MAGT1: variants seen among roughly 807,000 people sequenced by gnomAD.
MAGT1 encodes dolichyl-diphosphooligosaccharide--protein glycosyltransferase subunit MAGT1.
MAGT1 carries 4 observed loss-of-function variants against 28.4 expected under a neutral mutation model. The ratio of observed to expected loss-of-function variants is 0.14; its 90% confidence interval spans 0.07 to 0.32. The LOEUF (loss-of-function observed/expected upper bound fraction) is 0.32, where lower values mean the gene tolerates loss of function less well. Among genes scored for constraint, MAGT1 ranks in the 10% least tolerant of loss-of-function variants. The pLI is 1.00. For missense variants in MAGT1, 193 were observed against 264.5 expected (o/e 0.73, Z 1.88); for synonymous variants, 89 against 89.7 (o/e 0.99, Z 0.04).
intron 7 of MAGT1, among the ~76,000 whole-genome samples, chrX:77,846,605 G>A (rs782819749): frequency 2.6e-4 from 29 of 111,952 alleles, no homozygotes; most frequent in Non-Finnish European, 4.3e-4. Flanking sequence ...ATACAGATGA[G>A]GTTTTGGTAT....
intron 3 of MAGT1, among the ~76,000 whole-genome samples, chrX:77,862,068 C>G (rs992893026): frequency 1.8e-5 from 2 of 110,729 alleles, no homozygotes; most frequent in Non-Finnish European, 3.8e-5. Flanking sequence ...ACAAAACAAC[C>G]CCACCAAAAC....
chrX:77,868,916 A>G (rs1185423649), intron 3 of MAGT1, among the ~76,000 whole-genome samples: 1 of 112,477 alleles, frequency 8.9e-6, no homozygotes, highest in Non-Finnish European at 1.9e-5. Context: ...AAACAACAAA[A>G]GATCTACTTT....
chrX:77,841,150 C>A (rs1557214362), intron 8 of MAGT1, 96 bp downstream of exon 8: 4 of 634,862 alleles, frequency 6.3e-6, no homozygotes, highest in African/African-American at 4.5e-5. Flanking sequence ...GGTAAAATAA[C>A]CTACTTATCC....
intron 6 of MAGT1, 52 bp downstream of exon 6, chrX:77,855,449 T>C: frequency 3.4e-6 from 3 of 885,934 alleles, no homozygotes. Flanking sequence ...AGGGTAATAA[T>C]CATTGAGTTA....
chrX:77,864,732 T>G (rs2077004067), intron 3 of MAGT1, among the ~76,000 whole-genome samples: 2 of 110,410 alleles, frequency 1.8e-5, no homozygotes, highest in Admixed American at 2.0e-4. Flanking sequence ...TGAGACAAAG[T>G]CTAGCTCTGT....
chrX:77,851,174 T>C (rs1283320593), intron 7 of MAGT1, among the ~76,000 whole-genome samples: 1 of 109,913 alleles, frequency 9.1e-6, no homozygotes, highest in African/African-American at 3.3e-5. Context: ...TTTCGCTATG[T>C]TGGCCAGGCT....
intron 1 of MAGT1, 72 bp downstream of exon 1, chrX:77,895,237 G>A: frequency 9.1e-7 from 1 of 1,099,504 alleles, no homozygotes; most frequent in Non-Finnish European, 1.3e-6. Context: ...AGGGGGCTGG[G>A]AAGAGGCGAA....
chrX:77,875,618 A>G, intron 1 of MAGT1, 21 bp from the exon 2 acceptor site: 1 of 1,194,362 alleles, frequency 8.4e-7, no homozygotes, highest in Non-Finnish European at 1.1e-6. Context: ...CAAAGTGAGC[A>G]TGCTATTAAT....
chrX:77,835,049 G>A (rs1043864063), intron 8 of MAGT1, among the ~76,000 whole-genome samples: 25 of 105,326 alleles, frequency 2.4e-4, no homozygotes, highest in Non-Finnish European at 2.9e-4. Flanking sequence ...TCCACCTCCC[G>A]GGTTCACGCC....
intron 3 of MAGT1, among the ~76,000 whole-genome samples, chrX:77,859,003 T>C (rs1259676966): frequency 9.1e-6 from 1 of 109,402 alleles, no homozygotes; most frequent in Non-Finnish European, 1.9e-5. Flanking sequence ...AGGTCAGGAG[T>C]TCAAGACCAG....
intron 1 of MAGT1, among the ~76,000 whole-genome samples, chrX:77,893,354 A>G (rs141355456): frequency 1.4e-4 from 16 of 111,938 alleles, no homozygotes; most frequent in African/African-American, 4.9e-4. Flanking sequence ...ACATGCATGA[A>G]AAGGGTGAAT....
chrX:77,875,863 G>A (rs971701333), intron 1 of MAGT1, among the ~76,000 whole-genome samples: 22 of 109,672 alleles, frequency 2.0e-4, no homozygotes, highest in Admixed American at 1.6e-3. Flanking sequence ...ACACTGTCTC[G>A]CTCTGTCATC....
At position 77,857,517 on chromosome X, in the gene MAGT1, G is replaced by A; in HGVS notation, c.391-20C>T. On this transcript the variant is annotated intron_variant, in intron 3 of 9. Coordinates refer to ENST00000618282, the MANE Select transcript of MAGT1 (RefSeq NM_001367916.1). ...GTTTAGCTGAATAAAAACGAGCCAT[G>A]AAAATATACATTATCAGGAAAATAA... The A allele has an allele frequency of 3.3e-6, 4 of 1,204,591 alleles. No homozygotes were observed. In the South Asian group the frequency reaches 5.3e-5, roughly 16 times the overall value.
At chrX:77,842,698 G>T (rs989284088) in intron 7 of MAGT1, among the ~76,000 whole-genome samples, 13 of 109,808 alleles carry the variant, frequency 1.2e-4, no homozygotes, top group African/African-American at 3.6e-4. Context: ...GTGGTGGCAG[G>T]CGCCTGTAAT....
chrX:77,868,739 G>A, intron 3 of MAGT1: 1 of 265,560 alleles, frequency 3.8e-6, no homozygotes, highest in Non-Finnish European at 7.2e-6. Flanking sequence ...AAAATTGCTT[G>A]AACCCAAAAG....
chrX:77,870,667 CAA>C, intron 3 of MAGT1, 139 bp downstream of exon 3: 1 of 462,215 alleles, frequency 2.2e-6, no homozygotes, highest in Non-Finnish European at 3.8e-6. Flanking sequence ...ATGGTTAGCT[CAA>C]GTTTAACTTT....
At chrX:77,830,967 CTTTTTTTATTTTATTTTATTTTAT>C in intron 8 of MAGT1, 72 bp from the exon 9 acceptor site, 1 of 319,414 alleles carries the variant, frequency 3.1e-6, no homozygotes, top group Non-Finnish European at 5.2e-6. Flanking sequence ...TCTATACTTT[CTTTTTTTATTTTATTTTATTTTAT>C]TTTATTTTAT....
intron 7 of MAGT1, among the ~76,000 whole-genome samples, chrX:77,848,801 C>G (rs2076959019): frequency 9.1e-6 from 1 of 109,992 alleles, no homozygotes; most frequent in Non-Finnish European, 1.9e-5. Context: ...TTGTTTGAGC[C>G]CAGGAGATTG....
chrX:77,865,414 C>T lies in MAGT1; in HGVS notation c.390+5394G>A, dbSNP rs782783648. On this transcript the variant is annotated intron_variant, in intron 3 of 9. Coordinates refer to ENST00000618282, the MANE Select transcript of MAGT1 (RefSeq NM_001367916.1). ...AAGCCATTCTCCTGCCTCAGCCTCC[C>T]GAGTAGCTGGGACTACAGGCGCACA... Among the ~76,000 whole-genome samples the T allele has an allele frequency of 4.5e-5, 5 of 110,394 alleles. No individual in the cohort carries two copies. The East Asian group carries it at 8.6e-4, about 19-fold the overall frequency.
Sources: allele counts gnomAD v4.1 joint callset (sites outside exome capture counted in the v4.1 genomes callset), GRCh38; gene constraint gnomAD v4.1.1; transcripts MANE v1.5; gene names NCBI Gene and HGNC (gene_info 2026-07-23, HGNC 2026-07-21).